PRELID2: variants seen among roughly 807,000 people sequenced by gnomAD.
PRELID2 encodes PRELI domain-containing protein 2.
A neutral mutation model predicts 28.4 loss-of-function variants in PRELID2; 25 were observed. The ratio of observed to expected loss-of-function variants is 0.88; its 90% CI spans 0.64 to 1.23. PRELID2 has a LOEUF of 1.23. Among genes scored for constraint, PRELID2 ranks in the 50% most tolerant of loss-of-function variants. The probability of loss-of-function intolerance (pLI) is 0.00; values close to 1 mark genes in which losing one functional copy is unlikely to be tolerated. For missense variants in PRELID2, 201 were observed against 214.4 expected, an observed-to-expected ratio of 0.94 and a Z score of 0.39; for synonymous variants, 76 against 71.6, an observed-to-expected ratio of 1.06 and a Z score of -0.31.
chr5:145,286,989 C>T, the PRELID2 span, among the ~76,000 whole-genome samples: 494 of 152,112 alleles, frequency 3.2e-3, 2 homozygotes, highest in African/African-American at 0.012. Context: ...GGATTACAGG[C>T]GTGAGCCACC....
chr5:145,809,783 G>T (rs1430382339), intron 4 of PRELID2, among the ~76,000 whole-genome samples: 1 of 152,194 alleles, frequency 6.6e-6, no homozygotes, highest in African/African-American at 2.4e-5. Context: ...GAAGATACCA[G>T]AAAGTTTTTA....
chr5:145,386,473 T>C, the PRELID2 span, among the ~76,000 whole-genome samples: 1 of 152,238 alleles, frequency 6.6e-6, no homozygotes, highest in South Asian at 2.1e-4. Context: ...TCCCTGCTCC[T>C]GCCTGATCTC....
intron 1 of PRELID2, among the ~76,000 whole-genome samples, chr5:145,478,686 TCTTA>T (rs1208274245): frequency 6.6e-6 from 1 of 152,240 alleles, no homozygotes; most frequent in African/African-American, 2.4e-5. Context: ...ATCTGCCTCC[TCTTA>T]CTTTTTTAAT....
At chr5:145,797,811 G>T (rs1752869977) in intron 4 of PRELID2, among the ~76,000 whole-genome samples, 1 of 151,836 alleles carries the variant, frequency 6.6e-6, no homozygotes, top group Non-Finnish European at 1.5e-5. Flanking sequence ...AGATCACAAT[G>T]CATGCAAAGA....
chr5:145,277,796 TG>T, the PRELID2 span, among the ~76,000 whole-genome samples: 1 of 152,210 alleles, frequency 6.6e-6, no homozygotes, highest in Non-Finnish European at 1.5e-5. Flanking sequence ...CTCTCCTCAC[TG>T]GGCCATTCTA....
At chr5:145,683,717 T>C (rs77186340) in intron 1 of PRELID2, among the ~76,000 whole-genome samples, 5,725 of 152,208 alleles carry the variant, frequency 0.038, 380 homozygotes, top group African/African-American at 0.13. Context: ...TACTCTCAGA[T>C]ACTGGAGTTT....
chr5:145,766,987 T>C (rs1048966401), intron 5 of PRELID2, among the ~76,000 whole-genome samples: 2 of 151,972 alleles, frequency 1.3e-5, no homozygotes, highest in African/African-American at 4.8e-5. Flanking sequence ...TAAGGACAGG[T>C]GGCAGGAAAA....
the PRELID2 span, among the ~76,000 whole-genome samples, chr5:145,299,373 A>G: frequency 6.6e-6 from 1 of 152,130 alleles, no homozygotes; most frequent in Non-Finnish European, 1.5e-5. Context: ...ATTGAGATCA[A>G]TTGCTATTAC....
the PRELID2 span, among the ~76,000 whole-genome samples, chr5:145,251,657 G>C: frequency 6.6e-6 from 1 of 152,022 alleles, no homozygotes; most frequent in East Asian, 1.9e-4. Flanking sequence ...GGATACCCTC[G>C]ACAAAATAGT....
intron 1 of PRELID2, among the ~76,000 whole-genome samples, chr5:145,709,337 G>T (rs928482404): frequency 6.6e-6 from 1 of 152,164 alleles, no homozygotes; most frequent in Non-Finnish European, 1.5e-5. Flanking sequence ...TCTCCCCCAG[G>T]TGATTACACT....
At chr5:145,741,399 T>G (rs1259769889) in intron 1 of PRELID2, among the ~76,000 whole-genome samples, 1 of 105,310 alleles carries the variant, frequency 9.5e-6, no homozygotes. Flanking sequence ...TATTTATATA[T>G]AAACAAAATT....
At chr5:145,815,281 A>C (rs957654991) in intron 4 of PRELID2, among the ~76,000 whole-genome samples, 1 of 152,232 alleles carries the variant, frequency 6.6e-6, no homozygotes, top group African/African-American at 2.4e-5. Context: ...CAGGTCTGTG[A>C]GAAATTAATG....
At chr5:145,834,174 A>T (rs1392344226) in intron 1 of PRELID2, among the ~76,000 whole-genome samples, 1 of 152,246 alleles carries the variant, frequency 6.6e-6, no homozygotes, top group Admixed American at 6.5e-5. Context: ...AGCCCTAACT[A>T]AACATCAGTA....
chr5:145,355,378 A>AT, the PRELID2 span, among the ~76,000 whole-genome samples: 3 of 152,164 alleles, frequency 2.0e-5, no homozygotes, highest in Middle Eastern at 3.4e-3. Context: ...TTTTTTAAGA[A>AT]TTTTTTCTCT....
chr5:145,502,520 T>G (rs999070764), intron 1 of PRELID2, among the ~76,000 whole-genome samples: 2 of 152,180 alleles, frequency 1.3e-5, no homozygotes, highest in Admixed American at 1.3e-4. Flanking sequence ...GTTATAATGA[T>G]GGCCAGGTTA....
intron 1 of PRELID2, among the ~76,000 whole-genome samples, chr5:145,665,352 T>C (rs1754567460): frequency 6.6e-6 from 1 of 152,006 alleles, no homozygotes; most frequent in African/African-American, 2.4e-5. Flanking sequence ...AATGCTAAAT[T>C]GGAAAGGGGG....
intron 1 of PRELID2, among the ~76,000 whole-genome samples, chr5:145,667,319 G>A (rs965577112): frequency 6.6e-6 from 1 of 151,994 alleles, no homozygotes; most frequent in Non-Finnish European, 1.5e-5. Flanking sequence ...TCAAGTTTCT[G>A]CCTGCAATAT....
intron 1 of PRELID2, among the ~76,000 whole-genome samples, chr5:145,475,803 T>C (rs937599550): frequency 1.3e-5 from 2 of 152,204 alleles, no homozygotes; most frequent in Admixed American, 6.5e-5. Context: ...CTATGATCTA[T>C]AGTATTTACC....
chr5:145,563,166 G>A (rs1752938291), intron 1 of PRELID2, among the ~76,000 whole-genome samples: 1 of 152,206 alleles, frequency 6.6e-6, no homozygotes, highest in Admixed American at 6.5e-5. Context: ...CCTCAAGTCA[G>A]CATGCAATTC....
Sources: gnomAD v4.1 joint callset for allele counts (sites outside exome capture counted in the v4.1 genomes callset) on GRCh38, gnomAD v4.1.1 for gene constraint, MANE v1.5 for transcripts, NCBI Gene and HGNC (gene_info 2026-07-23, HGNC 2026-07-21) for gene names.